Variants in CELF2 observed in about 807,000 individuals in gnomAD.
CELF2 encodes the protein CUG triplet repeat RNA-binding protein 2.
Under a neutral mutation model 62.6 loss-of-function variants are expected in CELF2, and 8 were observed. That is an observed-to-expected ratio of 0.13 (90% confidence interval 0.07 to 0.23). The LOEUF is 0.23. Among genes scored for constraint, CELF2 ranks in the 10% least tolerant of loss-of-function variants. The pLI is 1.00. For synonymous variants in CELF2, 258 were observed against 250.0 expected (o/e 1.03, Z -0.30); for missense variants, 333 against 671.0 (o/e 0.50, Z 5.56).
chr10:10,485,137 T>C, the CELF2 span, among the ~76,000 whole-genome samples: 5 of 152,194 alleles, frequency 3.3e-5, no homozygotes, highest in Non-Finnish European at 5.9e-5. Flanking sequence ...CATTCAGGGA[T>C]TGATAATAGA....
At chr10:10,499,998 A>T in the CELF2 span, among the ~76,000 whole-genome samples, 2 of 152,206 alleles carry the variant, frequency 1.3e-5, no homozygotes, top group African/African-American at 2.4e-5. Flanking sequence ...TGCTAAGTAT[A>T]AACTCCATTA....
chr10:10,498,384 C>A, the CELF2 span, among the ~76,000 whole-genome samples: 23 of 152,280 alleles, frequency 1.5e-4, no homozygotes, highest in Non-Finnish European at 2.6e-4. Flanking sequence ...CCAAAACCTG[C>A]CGAATGGCTA....
intron 3 of CELF2, among the ~76,000 whole-genome samples, chr10:11,230,410 C>T (rs1489794047): frequency 6.6e-6 from 1 of 152,194 alleles, no homozygotes; most frequent in Non-Finnish European, 1.5e-5. Flanking sequence ...GGGAGTCCCT[C>T]ACAGGGTGCA....
chr10:10,716,405 G>A, the CELF2 span, among the ~76,000 whole-genome samples: 1 of 152,160 alleles, frequency 6.6e-6, no homozygotes, highest in Non-Finnish European at 1.5e-5. Flanking sequence ...GCCAGGCATG[G>A]TGGCACACGC....
chr10:10,506,969 C>A, the CELF2 span, among the ~76,000 whole-genome samples: 1 of 151,976 alleles, frequency 6.6e-6, no homozygotes, highest in Non-Finnish European at 1.5e-5. Flanking sequence ...CTGGCTACCT[C>A]CTGTGCATAT....
At chr10:10,827,073 G>A (rs2057451393) in intron 1 of CELF2, among the ~76,000 whole-genome samples, 3 of 151,048 alleles carry the variant, frequency 2.0e-5, no homozygotes. Flanking sequence ...GCGCCCTCCT[G>A]GAAATTTTAT....
At chr10:11,196,141 A>G (rs570423348) in intron 2 of CELF2, among the ~76,000 whole-genome samples, 1 of 152,268 alleles carries the variant, frequency 6.6e-6, no homozygotes, top group Admixed American at 6.5e-5. Flanking sequence ...GTATTATCAT[A>G]TAAATCCCTG....
the CELF2 span, among the ~76,000 whole-genome samples, chr10:10,723,717 C>T: frequency 3.3e-5 from 5 of 152,228 alleles, no homozygotes; most frequent in African/African-American, 4.8e-5. Context: ...TTGTACCATT[C>T]TGGGAGGACG....
At chr10:10,479,490 C>T in the CELF2 span, among the ~76,000 whole-genome samples, 1 of 152,110 alleles carries the variant, frequency 6.6e-6, no homozygotes, top group African/African-American at 2.4e-5. Flanking sequence ...TTTCAAACTA[C>T]ACGGAAGTTA....
chr10:11,255,291 G>A lies in CELF2; in HGVS notation c.404-2447G>A, dbSNP rs951014015. ...GGTGCCTGTTGCCCATGTCTCCTCC[G>A]AGTCTGAACACAAGCAGTGGCTCAG... On this transcript the variant is annotated intron_variant, in intron 4 of 12. Transcript: ENST00000633077. The surrounding 1 kb of genome is among the most constrained non-coding windows in gnomAD (Gnocchi z 5.5). 1.5e-4 allele frequency among the ~76,000 whole-genome samples: 23 copies of A among 152,282 alleles called. No homozygotes were observed. The highest frequency in any genetic ancestry group is 5.9e-5 in the Non-Finnish European group (4 of 68,018).
intron 7 of CELF2, 88 bp from the exon 8 acceptor site, chr10:11,274,969 G>A: frequency 1.6e-6 from 2 of 1,262,344 alleles, no homozygotes; most frequent in South Asian, 2.4e-5. Flanking sequence ...CCCTGGAAAT[G>A]CAGAGTAAAC....
At chr10:10,696,875 C>T in the CELF2 span, among the ~76,000 whole-genome samples, 460 of 152,288 alleles carry the variant, frequency 3.0e-3, no homozygotes, top group African/African-American at 0.01. Context: ...GACCTATGCC[C>T]ACTGTCTGGC....
the CELF2 span, among the ~76,000 whole-genome samples, chr10:10,764,632 C>G: frequency 6.6e-6 from 1 of 152,180 alleles, no homozygotes; most frequent in African/African-American, 2.4e-5. Context: ...AAAGGGTCAC[C>G]CTTTGACCCT....
rs2066918952 is a variant in CELF2, at chr10:11,227,163, C to T, written c.354+9656C>T. On this transcript the variant is annotated intron_variant, in intron 3 of 12. Coordinates refer to ENST00000633077, the MANE Select transcript of CELF2 (RefSeq NM_001326342.2). This position sits in a 1 kb window ranked among gnomAD's most constrained non-coding sequence, Gnocchi z 4.8. Reference sequence around the variant, plus strand: ...TGAAACAAACGGAAACCTCAACCTGCCTGCCATCATCACACCCTCCTGCCC... The same window carrying T: ...TGAAACAAACGGAAACCTCAACCTGTCTGCCATCATCACACCCTCCTGCCC... Among the ~76,000 whole-genome samples the T allele has an allele frequency of 6.6e-6, 1 of 152,184 alleles. No homozygotes were observed. The highest frequency in any genetic ancestry group is 1.5e-5 in the Non-Finnish European group (1 of 68,026).
the CELF2 span, among the ~76,000 whole-genome samples, chr10:10,712,811 C>G: frequency 8.5e-5 from 13 of 152,234 alleles, no homozygotes; most frequent in African/African-American, 3.1e-4. Context: ...TCCACCACCA[C>G]TCACCTTCTC....
At chr10:10,791,311 A>C in the CELF2 span, among the ~76,000 whole-genome samples, 1 of 148,304 alleles carries the variant, frequency 6.7e-6, no homozygotes. Context: ...TCCTCTCTTT[A>C]ATGTGGCAAA....
intron 1 of CELF2, among the ~76,000 whole-genome samples, chr10:10,828,050 G>A (rs942733554): frequency 1.5e-5 from 2 of 137,562 alleles, no homozygotes; most frequent in Non-Finnish European, 3.1e-5. Context: ...TTTTGGTACA[G>A]TGTTGGTGGG....
the CELF2 span, among the ~76,000 whole-genome samples, chr10:10,710,374 T>A: frequency 6.6e-6 from 1 of 152,188 alleles, no homozygotes; most frequent in Non-Finnish European, 1.5e-5. Context: ...AGGCAAAAAT[T>A]TCCTGACCAG....
chr10:10,663,881 A>C, the CELF2 span, among the ~76,000 whole-genome samples: 1 of 152,226 alleles, frequency 6.6e-6, no homozygotes, highest in Non-Finnish European at 1.5e-5. Context: ...TACTACCGGT[A>C]GTTAACCTAT....
Sources: gnomAD v4.1 joint callset for allele counts (sites outside exome capture counted in the v4.1 genomes callset) on GRCh38, gnomAD v4.1.1 for gene constraint, Gnocchi (gnomAD v3.1) non-coding constraint, MANE v1.5 for transcripts, NCBI Gene and HGNC (gene_info 2026-07-23, HGNC 2026-07-21) for gene names.